Variants in ITGA8 observed in about 807,000 individuals in gnomAD.
ITGA8 encodes integrin alpha-8.
ITGA8 carries 91 observed loss-of-function variants against 142.3 expected under a neutral mutation model. The ratio of observed to expected loss-of-function variants is 0.64; its 90% CI spans 0.54 to 0.76. The LOEUF is 0.76. Among genes scored for constraint, ITGA8 ranks in the 30% least tolerant of loss-of-function variants. The pLI, the probability that ITGA8 is intolerant of heterozygous loss-of-function variation, is 0.00. For missense variants in ITGA8, 1,406 were observed against 1,327.7 expected, an observed-to-expected ratio of 1.06 and a Z score of -0.92; for synonymous variants, 505 against 485.2, an observed-to-expected ratio of 1.04 and a Z score of -0.54.
chr10:15,546,312 C>T (rs1466440671), intron 27 of ITGA8, among the ~76,000 whole-genome samples: 1 of 152,252 alleles, frequency 6.6e-6, no homozygotes, highest in Non-Finnish European at 1.5e-5. Context: ...GTTGTGTTCA[C>T]AGCTATTTCT....
At chr10:15,624,788 T>C (rs544939021) in intron 13 of ITGA8, among the ~76,000 whole-genome samples, 1 of 152,296 alleles carries the variant, frequency 6.6e-6, no homozygotes, top group African/African-American at 2.4e-5. Flanking sequence ...CTCACTTTCA[T>C]ACAATGATGA....
chr10:15,598,234 A>G (rs1439964134), intron 20 of ITGA8, among the ~76,000 whole-genome samples: 2 of 152,226 alleles, frequency 1.3e-5, no homozygotes, highest in African/African-American at 4.8e-5. Flanking sequence ...TTCATAAAAC[A>G]GCAAATTTGG....
At chr10:15,657,512 T>TTTTTC (rs1834208178) in intron 10 of ITGA8, among the ~76,000 whole-genome samples, 1 of 87,874 alleles carries the variant, frequency 1.1e-5, no homozygotes, top group Non-Finnish European at 2.5e-5. Flanking sequence ...TTTCTTTCAT[T>TTTTTC]TTTTTTTTTT....
chr10:15,628,419 G>T (rs374022491), intron 13 of ITGA8, among the ~76,000 whole-genome samples: 33 of 128,174 alleles, frequency 2.6e-4, no homozygotes, highest in African/African-American at 9.2e-4. Context: ...TGCAAGCTCC[G>T]CCTCCTGGGT....
rs9333098 is a variant in ITGA8, at chr10:15,678,285, A to G, written c.630+437T>C. 6.6e-3 allele frequency among the ~76,000 whole-genome samples: 1,007 copies of G among 152,272 alleles called. 16 individuals carry two copies. Among genetic ancestry groups the G allele is most frequent in the African/African-American group, 0.023 (950 of 41,576 alleles). The stretch of plus-strand genomic sequence containing the variant: ...AAACCACAGAATCTTTTCCCTCTAC[A>G]TTCTTACTGAACATCTCTTTTTAAT... On this transcript the variant is annotated intron_variant, in intron 5 of 29. Transcript: ENST00000378076.
chr10:15,688,632 G>A (rs1361066528), intron 2 of ITGA8, among the ~76,000 whole-genome samples: 1 of 152,192 alleles, frequency 6.6e-6, no homozygotes, highest in Non-Finnish European at 1.5e-5. Context: ...CCAACAGCAT[G>A]TTAAAAGTAT....
intron 13 of ITGA8, among the ~76,000 whole-genome samples, chr10:15,623,254 C>T (rs943319178): frequency 2.0e-5 from 3 of 152,056 alleles, no homozygotes; most frequent in African/African-American, 7.2e-5. Flanking sequence ...GTACAGAGCC[C>T]GAATACAGTA....
chr10:15,652,078 A>T (rs762948549), intron 11 of ITGA8, among the ~76,000 whole-genome samples: 2 of 152,256 alleles, frequency 1.3e-5, no homozygotes, highest in Non-Finnish European at 2.9e-5. Flanking sequence ...TAAGAACTTC[A>T]AGAAAGAAGA....
intron 22 of ITGA8, among the ~76,000 whole-genome samples, chr10:15,587,240 A>T (rs1245305117): frequency 6.6e-6 from 1 of 152,140 alleles, no homozygotes; most frequent in African/African-American, 2.4e-5. Context: ...ACTTTTTTAA[A>T]TGGCTAAACC....
In ITGA8 at chr10:15,586,681, T is replaced by TG. The variant is rs773368106; in HGVS notation, c.2292-18dup. The TG allele has an allele frequency of 2.6e-6, 4 of 1,514,196 alleles. No homozygotes were observed. The highest frequency in any genetic ancestry group is 3.7e-6 in the Non-Finnish European group (4 of 1,089,082). The allele number at this position is 1,514,196 out of a possible 1,614,324, so 93.8% of individuals were successfully genotyped here. A position where few individuals can be genotyped will look rare whatever the true frequency, so the allele number is the denominator to read the frequency against. On this transcript the variant is annotated splice_polypyrimidine_tract_variant and intron_variant, in intron 22 of 29. Coordinates refer to ENST00000378076, the MANE Select transcript of ITGA8 (RefSeq NM_003638.3). ...TTGTTGGAACTAAAACACAAGGACA[T>TG]GTGATTTAAATCTATCTGCTCAGGA...
intron 4 of ITGA8, among the ~76,000 whole-genome samples, chr10:15,679,625 T>C (rs1310166795): frequency 6.6e-6 from 1 of 152,182 alleles, no homozygotes; most frequent in African/African-American, 2.4e-5. Context: ...TATAATAGGC[T>C]AGGTAAATTG....
At chr10:15,561,236 T>TAC (rs1833974284) in intron 25 of ITGA8, among the ~76,000 whole-genome samples, 1 of 88,416 alleles carries the variant, frequency 1.1e-5, no homozygotes, top group African/African-American at 1.3e-4. Flanking sequence ...TATATATATG[T>TAC]ATATATATAT....
At chr10:15,650,606 A>C (rs1834067606) in intron 11 of ITGA8, among the ~76,000 whole-genome samples, 1 of 152,158 alleles carries the variant, frequency 6.6e-6, no homozygotes, top group Admixed American at 6.5e-5. Context: ...CAGCCTCCAG[A>C]AGTATAAGAA....
intron 26 of ITGA8, among the ~76,000 whole-genome samples, chr10:15,552,043 C>CA (rs1308411466): frequency 2.0e-5 from 3 of 151,336 alleles, no homozygotes; most frequent in South Asian, 4.2e-4. Flanking sequence ...ATACAATTTT[C>CA]AAAAAAAATT....
At chr10:15,718,223 T>A (rs1244024090) in intron 2 of ITGA8, among the ~76,000 whole-genome samples, 1 of 152,204 alleles carries the variant, frequency 6.6e-6, no homozygotes, top group Non-Finnish European at 1.5e-5. Context: ...ATGAATGTAA[T>A]CCATCCACAC....
intron 2 of ITGA8, among the ~76,000 whole-genome samples, chr10:15,699,712 A>G (rs1013556009): frequency 2.6e-5 from 4 of 152,214 alleles, no homozygotes; most frequent in African/African-American, 4.8e-5. Flanking sequence ...TTGCTGGGTC[A>G]TAGAGAATGA....
intron 26 of ITGA8, among the ~76,000 whole-genome samples, chr10:15,555,897 C>G (rs1046896293): frequency 1.3e-5 from 2 of 151,480 alleles, no homozygotes; most frequent in Admixed American, 6.6e-5. Flanking sequence ...CGGGGTTTCA[C>G]CACGCTAACC....
Position 15,616,578 on chromosome 10 carries a change from C to A in ITGA8, c.1400-19G>T, listed in dbSNP as rs1833395773. The A allele has an allele frequency of 1.2e-6, 2 of 1,607,786 alleles. No homozygotes were observed. Among genetic ancestry groups the A allele is most frequent in the African/African-American group, 2.7e-5 (2 of 74,808 alleles). ...ATCAAATCTTAAAAAGACAAAAACA[C>A]AGAACACATGCGTGAATCGTATAGA... is the stretch of plus-strand genomic sequence containing the variant. On this transcript the variant is annotated intron_variant, in intron 13 of 29. Coordinates refer to ENST00000378076, the MANE Select transcript of ITGA8 (RefSeq NM_003638.3).
chr10:15,588,041 A>C (rs1832862331), intron 22 of ITGA8, among the ~76,000 whole-genome samples: 1 of 152,050 alleles, frequency 6.6e-6, no homozygotes, highest in Non-Finnish European at 1.5e-5. Context: ...GTTTATATTC[A>C]GGTGTCATTA....
Sources: allele counts gnomAD v4.1 joint callset (sites outside exome capture counted in the v4.1 genomes callset), GRCh38; gene constraint gnomAD v4.1.1; transcripts MANE v1.5; gene names NCBI Gene and HGNC (gene_info 2026-07-23, HGNC 2026-07-21).